BMP5: variants seen among roughly 807,000 people sequenced by gnomAD.
BMP5 encodes bone morphogenetic protein 5.
Under a neutral mutation model 46.6 loss-of-function variants are expected in BMP5, and 23 were observed. The observed-to-expected ratio is 0.49, with a 90% confidence interval of 0.35 to 0.70. The LOEUF (loss-of-function observed/expected upper bound fraction) is 0.70, where lower values mean the gene tolerates loss of function less well. Ranked by LOEUF, BMP5 falls within the 30% of genes least tolerant of loss-of-function variation. The pLI is 0.00. For synonymous variants in BMP5, 204 were observed against 191.9 expected (o/e 1.06, Z -0.52); for missense variants, 545 against 565.6 (o/e 0.96, Z 0.37).
At chr6:55,829,607 G>A (rs1776616113) in intron 1 of BMP5, among the ~76,000 whole-genome samples, 1 of 151,338 alleles carries the variant, frequency 6.6e-6, no homozygotes, top group Admixed American at 6.6e-5. Context: ...TACCTGTGTT[G>A]GTACTTAAAA....
intron 1 of BMP5, among the ~76,000 whole-genome samples, chr6:55,869,310 C>T (rs1777725400): frequency 6.6e-6 from 1 of 152,162 alleles, no homozygotes; most frequent in Non-Finnish European, 1.5e-5. Flanking sequence ...CCAGCATCTC[C>T]TCCACCTGTA....
rs1317916752 is a variant in BMP5 at position 55,790,740 on chromosome 6, T to C, written c.832+3539A>G. ...CTTCGCATACTTCCATGACTTCCCT[T>C]CCTCTTCATCTGTATTTCTTACGAA... is the stretch of plus-strand genomic sequence containing the variant. On this transcript the variant is annotated intron_variant, in intron 3 of 6. Coordinates refer to ENST00000370830, the MANE Select transcript of BMP5 (RefSeq NM_021073.4). 3.9e-5 allele frequency among the ~76,000 whole-genome samples: 6 copies of C among 152,174 alleles called. No homozygotes were observed. In the South Asian group the frequency reaches 1.0e-3, roughly 26 times the overall value.
intron 1 of BMP5, among the ~76,000 whole-genome samples, chr6:55,842,681 G>A (rs1403196728): frequency 1.3e-5 from 2 of 151,548 alleles, no homozygotes; most frequent in East Asian, 3.9e-4. Flanking sequence ...GGCAAATTGG[G>A]GTCTTCTTTT....
At chr6:55,856,957 A>C (rs1777414555) in intron 1 of BMP5, among the ~76,000 whole-genome samples, 1 of 152,154 alleles carries the variant, frequency 6.6e-6, no homozygotes, top group Admixed American at 6.5e-5. Flanking sequence ...ATTTCTAATC[A>C]TCTTTACCTT....
chr6:55,804,756 T>C (rs2127532862), intron 2 of BMP5, among the ~76,000 whole-genome samples: 1 of 152,238 alleles, frequency 6.6e-6, no homozygotes, highest in African/African-American at 2.4e-5. Context: ...AAGTTTTATA[T>C]CTGTGAATAT....
At chr6:55,787,833 G>A (rs1401270336) in intron 3 of BMP5, among the ~76,000 whole-genome samples, 1 of 151,390 alleles carries the variant, frequency 6.6e-6, no homozygotes, top group African/African-American at 2.4e-5. Flanking sequence ...TTAAACTGTT[G>A]GTACTTTTAG....
intron 1 of BMP5, among the ~76,000 whole-genome samples, chr6:55,845,018 T>G (rs1176249256): frequency 6.6e-6 from 1 of 152,056 alleles, no homozygotes; most frequent in African/African-American, 2.4e-5. Flanking sequence ...TCAGTTATAT[T>G]TATTATTGTC....
intron 1 of BMP5, among the ~76,000 whole-genome samples, chr6:55,859,030 T>C (rs1777469262): frequency 6.6e-6 from 1 of 152,140 alleles, no homozygotes; most frequent in Admixed American, 6.5e-5. Flanking sequence ...AAAACCTAGA[T>C]GATAAGTTGA....
intron 2 of BMP5, among the ~76,000 whole-genome samples, chr6:55,803,984 C>G (rs1404059791): frequency 1.3e-5 from 2 of 152,196 alleles, no homozygotes; most frequent in Non-Finnish European, 2.9e-5. Flanking sequence ...CTTACAAGAA[C>G]TATTTAACCA....
At chr6:55,780,468 A>AAAAG (rs1401454959) in intron 3 of BMP5, among the ~76,000 whole-genome samples, 2 of 146,194 alleles carry the variant, frequency 1.4e-5, no homozygotes, top group East Asian at 2.0e-4. Context: ...AAAAAAAAAA[A>AAAAG]AAAAAGAAAG....
At chr6:55,874,289 A>G in intron 1 of BMP5, 87 bp downstream of exon 1, 2 of 1,562,564 alleles carry the variant, frequency 1.3e-6, no homozygotes, top group Middle Eastern at 1.8e-4. Context: ...TTATATAAAC[A>G]TGACCACCTA....
At chr6:55,790,789 G>A (rs1775557443) in intron 3 of BMP5, among the ~76,000 whole-genome samples, 1 of 152,178 alleles carries the variant, frequency 6.6e-6, no homozygotes, top group South Asian at 2.1e-4. Flanking sequence ...CCAGTTTCAA[G>A]GCCACCGCTA....
At chr6:55,757,548 T>C (rs1342518279) in intron 6 of BMP5, among the ~76,000 whole-genome samples, 1 of 151,912 alleles carries the variant, frequency 6.6e-6, no homozygotes, top group Non-Finnish European at 1.5e-5. Context: ...ACATCCATCC[T>C]TGCAAAGCCT....
chr6:55,803,741 G>A (rs543695495), intron 2 of BMP5, among the ~76,000 whole-genome samples: 1 of 152,300 alleles, frequency 6.6e-6, no homozygotes, highest in African/African-American at 2.4e-5. Flanking sequence ...AAGCAAAGGA[G>A]TTTGTGGAAT....
At chr6:55,873,890 G>GTGCTAGGTAATC (rs1282455531) in intron 1 of BMP5, among the ~76,000 whole-genome samples, 1 of 151,600 alleles carries the variant, frequency 6.6e-6, no homozygotes, top group Non-Finnish European at 1.5e-5. Flanking sequence ...TTCAATCTTG[G>GTGCTAGGTAATC]TTAATTTTAC....
intron 1 of BMP5, among the ~76,000 whole-genome samples, chr6:55,846,096 T>C (rs1189563629): frequency 6.6e-6 from 1 of 151,998 alleles, no homozygotes; most frequent in Non-Finnish European, 1.5e-5. Context: ...AGTCTTTGAA[T>C]GGCCCACTAG....
chr6:55,760,184 AAAC>A (rs1254776988), intron 5 of BMP5, among the ~76,000 whole-genome samples: 1 of 152,032 alleles, frequency 6.6e-6, no homozygotes, highest in Non-Finnish European at 1.5e-5. Flanking sequence ...TGGAATACTT[AAAC>A]AACGGCACTC....
intron 5 of BMP5, 29 bp from the exon 6 acceptor site, chr6:55,759,144 CAAAAAAAAAAAAAAAAAAA>C (rs754365141): frequency 3.4e-4 from 29 of 85,090 alleles, no homozygotes; most frequent in African/African-American, 5.3e-4. Context: ...CACACACACA[CAAAAAAAAAAAAAAAAAAA>C]AAAAAAAAAA....
intron 3 of BMP5, among the ~76,000 whole-genome samples, chr6:55,786,491 TA>T (rs1275281071): frequency 6.6e-6 from 1 of 151,626 alleles, no homozygotes; most frequent in Non-Finnish European, 1.5e-5. Context: ...TTTTCTTTTG[TA>T]AAGAGCCCTC....
Sources: allele counts gnomAD v4.1 joint callset (sites outside exome capture counted in the v4.1 genomes callset), GRCh38; gene constraint gnomAD v4.1.1; transcripts MANE v1.5; gene names NCBI Gene and HGNC (gene_info 2026-07-23, HGNC 2026-07-21).